The following WDR89 variants were observed in gnomAD, a reference collection of about 807,000 sequenced individuals.
The protein encoded by WDR89 is WD repeat-containing protein 89.
Under a neutral mutation model 29.1 loss-of-function variants are expected in WDR89, and 17 were observed. That is an observed-to-expected ratio of 0.58 (90% CI 0.40 to 0.88). The LOEUF (loss-of-function observed/expected upper bound fraction) is 0.88. WDR89 is among the 40% of genes least tolerant of loss of function. The pLI, the probability that WDR89 is intolerant of heterozygous loss-of-function variation, is 0.00. For missense variants in WDR89, 396 were observed against 456.3 expected, an observed-to-expected ratio of 0.87 and a Z score of 1.20; for synonymous variants, 138 against 157.8, an observed-to-expected ratio of 0.87 and a Z score of 0.94.
At chr14:63,602,272 G>C (rs1439510269) in intron 2 of WDR89, among the ~76,000 whole-genome samples, 1 of 151,960 alleles carries the variant, frequency 6.6e-6, no homozygotes, top group Non-Finnish European at 1.5e-5. Context: ...AGGAGTTCGA[G>C]ACCAGTCTGG....
At chr14:63,613,821 C>CTTTTTTTT in intron 2 of WDR89, among the ~76,000 whole-genome samples, 1 of 121,068 alleles carries the variant, frequency 8.3e-6, no homozygotes, top group Non-Finnish European at 1.8e-5. Flanking sequence ...TTTTAAACAT[C>CTTTTTTTT]TTTTTTTTTT....
intron 2 of WDR89, among the ~76,000 whole-genome samples, chr14:63,617,673 C>T (rs1020457676): frequency 3.3e-5 from 5 of 151,802 alleles, no homozygotes; most frequent in African/African-American, 4.8e-5. Context: ...TTAGTCGAGA[C>T]GAGGTTTCAC....
chr14:63,599,356 T>C lies in WDR89; in HGVS notation c.587A>G (p.Asn196Ser), dbSNP rs762381683. The C allele has an allele frequency of 6.8e-6, 11 of 1,614,030 alleles. No individual in the cohort carries two copies. The East Asian group carries it at 8.9e-5, about 13-fold the overall frequency. The change falls in exon 3 of 3, where the codon AAT becomes AGT. Residue 196 changes from asparagine to serine, a missense_variant. Coordinates refer to ENST00000620954, the MANE Select transcript of WDR89 (RefSeq NM_080666.4). ...VVSGSSDGLVNVFDINIDNEE... is the reference protein window; with the variant it reads ...VVSGSSDGLVSVFDINIDNEE... ...ATTATCAATATTAATATCAAATACA[T>C]TTACCAGGCCATCAGATGAACCTGA... is the stretch of plus-strand genomic sequence containing the variant.
chr14:63,640,285 A>C (rs1884017306), intron 1 of WDR89, among the ~76,000 whole-genome samples: 1 of 152,146 alleles, frequency 6.6e-6, no homozygotes, highest in Admixed American at 6.6e-5. Flanking sequence ...CATCGGTAAC[A>C]TATTTTGTAT....
chr14:63,628,330 A>G (rs1883197119), intron 1 of WDR89, among the ~76,000 whole-genome samples: 1 of 152,248 alleles, frequency 6.6e-6, no homozygotes, highest in Non-Finnish European at 1.5e-5. Flanking sequence ...TTCGCTGACC[A>G]AAGAAATGCT....
chr14:63,617,166 C>T (rs373583193), intron 2 of WDR89, among the ~76,000 whole-genome samples: 3 of 150,638 alleles, frequency 2.0e-5, no homozygotes, highest in Admixed American at 1.3e-4. Context: ...CTACAACCTC[C>T]ACCTCCCAGG....
At chr14:63,639,627 T>C (rs1206394193) in intron 1 of WDR89, among the ~76,000 whole-genome samples, 4 of 152,170 alleles carry the variant, frequency 2.6e-5, no homozygotes, top group Non-Finnish European at 5.9e-5. Flanking sequence ...ACCATTCCAG[T>C]TCAGATTTAT....
intron 2 of WDR89, among the ~76,000 whole-genome samples, chr14:63,622,396 A>G (rs923306137): frequency 1.3e-5 from 2 of 152,076 alleles, no homozygotes; most frequent in Admixed American, 1.3e-4. Flanking sequence ...CCAGGCCAAC[A>G]TGGTGAAAGC....
intron 2 of WDR89, among the ~76,000 whole-genome samples, chr14:63,621,191 T>C (rs1882672736): frequency 6.6e-6 from 1 of 152,152 alleles, no homozygotes; most frequent in African/African-American, 2.4e-5. Context: ...TTTGGCAGTT[T>C]CTCATAAAGC....
intron 2 of WDR89, among the ~76,000 whole-genome samples, chr14:63,602,276 A>C (rs1895101550): frequency 6.6e-6 from 1 of 152,078 alleles, no homozygotes; most frequent in Non-Finnish European, 1.5e-5. Flanking sequence ...GTTCGAGACC[A>C]GTCTGGTCAA....
At chr14:63,603,431 C>A (rs553790434) in intron 2 of WDR89, among the ~76,000 whole-genome samples, 4 of 152,220 alleles carry the variant, frequency 2.6e-5, no homozygotes, top group Non-Finnish European at 5.9e-5. Flanking sequence ...TATTCTTCAA[C>A]AACTTTCATC....
chr14:63,638,260 A>G (rs1883874403), intron 1 of WDR89, among the ~76,000 whole-genome samples: 1 of 152,078 alleles, frequency 6.6e-6, no homozygotes, highest in South Asian at 2.1e-4. Context: ...GTAAGTTTTA[A>G]AAAAAAGTCA....
chr14:63,617,247 T>A (rs6573526), intron 2 of WDR89, among the ~76,000 whole-genome samples: 6,920 of 151,900 alleles, frequency 0.046, 559 homozygotes, highest in African/African-American at 0.16. Flanking sequence ...TCTGGCTATA[T>A]ATTTTTTGTA....
intron 2 of WDR89, among the ~76,000 whole-genome samples, chr14:63,616,236 C>G (rs1047896057): frequency 4.6e-5 from 7 of 152,090 alleles, no homozygotes; most frequent in Admixed American, 1.3e-4. Flanking sequence ...TGCACTCCCG[C>G]CTGGGTGACA....
At chr14:63,628,385 G>A (rs568785161) in intron 1 of WDR89, among the ~76,000 whole-genome samples, 1 of 152,208 alleles carries the variant, frequency 6.6e-6, no homozygotes, top group African/African-American at 2.4e-5. Context: ...GTTATTCTTA[G>A]GCTGCAACAT....
At chr14:63,635,791 A>C (rs1883695991) in intron 1 of WDR89, among the ~76,000 whole-genome samples, 1 of 152,258 alleles carries the variant, frequency 6.6e-6, no homozygotes, top group Non-Finnish European at 1.5e-5. Context: ...TTTTGGATAC[A>C]AGATTAATGT....
chr14:63,631,879 A>C (rs1427573332), intron 1 of WDR89, among the ~76,000 whole-genome samples: 2 of 152,210 alleles, frequency 1.3e-5, no homozygotes, highest in African/African-American at 4.8e-5. Flanking sequence ...TGGGAGGCCT[A>C]GGCAGGCAGA....
chr14:63,618,952 G>C (rs1408721625), intron 2 of WDR89, among the ~76,000 whole-genome samples: 2 of 152,164 alleles, frequency 1.3e-5, no homozygotes, highest in Non-Finnish European at 2.9e-5. Flanking sequence ...AGTCTTTTTA[G>C]CCAGTCAAGT....
chr14:63,599,346 A>G lies in WDR89; in HGVS notation c.597T>C (p.Asp199=), dbSNP rs1369069829. Residue 199 remains aspartate, a synonymous_variant, in exon 3 of 3, where the codon GAT becomes GAC. Transcript: ENST00000620954. ...CATCCTCCTCATTATCAATATTAAT[A>G]TCAAATACATTTACCAGGCCATCAG... ...GSSDGLVNVF[D]INIDNEEDAL... is the part of the protein sequence containing the mutation. The G allele has an allele frequency of 6.2e-7, 1 of 1,614,088 alleles. No individual in the cohort carries two copies. Among genetic ancestry groups the G allele is most frequent in the Non-Finnish European group, 8.5e-7 (1 of 1,180,050 alleles).
Sources: gnomAD v4.1 joint callset for allele counts (sites outside exome capture counted in the v4.1 genomes callset) on GRCh38, gnomAD v4.1.1 for gene constraint, MANE v1.5 for transcripts, NCBI Gene and HGNC (gene_info 2026-07-23, HGNC 2026-07-21) for gene names.